SYT1: variants seen among roughly 807,000 people sequenced by gnomAD.
SYT1 encodes the protein synaptotagmin-1.
Under a neutral mutation model 44.8 loss-of-function variants are expected in SYT1, and 8 were observed. That is an observed-to-expected ratio of 0.18 (90% CI 0.10 to 0.32). The LOEUF (loss-of-function observed/expected upper bound fraction) is 0.32, where lower values mean the gene tolerates loss of function less well. SYT1 is among the 10% of genes least tolerant of loss of function. SYT1 has a pLI of 1.00. For missense variants in SYT1, 286 were observed against 509.3 expected (o/e 0.56, Z 4.22); for synonymous variants, 154 against 188.8 (o/e 0.82, Z 1.51).
At chr12:79,419,762 T>C (rs1868988499) in intron 9 of SYT1, among the ~76,000 whole-genome samples, 1 of 152,136 alleles carries the variant, frequency 6.6e-6, no homozygotes. Context: ...CTTTCTCTCA[T>C]TCTCTCCTCA....
At chr12:79,054,581 A>G (rs1048026072) in intron 3 of SYT1, among the ~76,000 whole-genome samples, 5 of 151,956 alleles carry the variant, frequency 3.3e-5, no homozygotes, top group African/African-American at 1.2e-4. Flanking sequence ...TTCTTTAAAA[A>G]CTTTGGTACA....
intron 2 of SYT1, among the ~76,000 whole-genome samples, chr12:79,015,387 C>A (rs2137594271): frequency 6.6e-6 from 1 of 152,014 alleles, no homozygotes; most frequent in African/African-American, 2.4e-5. Context: ...TAATAAGTAA[C>A]CAACTTTTTT....
intron 8 of SYT1, among the ~76,000 whole-genome samples, chr12:79,329,125 C>G (rs911824259): frequency 2.0e-5 from 3 of 152,124 alleles, no homozygotes; most frequent in Non-Finnish European, 4.4e-5. Flanking sequence ...AAAATGAAAT[C>G]CAAACTGTGT....
Position 79,449,347 on chromosome 12 carries a change from A to G in SYT1, c.*223A>G, listed in dbSNP as rs1287159735. The G allele has an allele frequency of 1.8e-6, 1 of 551,990 alleles. No individual in the cohort carries two copies. Among genetic ancestry groups the G allele is most frequent in the African/African-American group, 1.9e-5 (1 of 52,966 alleles). The allele number at this position is 551,990 out of a possible 1,614,324, so 34.2% of individuals were successfully genotyped here. A position where few individuals can be genotyped will look rare whatever the true frequency, so the allele number is the denominator to read the frequency against. On this transcript the variant is annotated 3_prime_UTR_variant, in exon 11 of 11. Transcript: ENST00000261205. Reference sequence around the variant, plus strand: ...CAAATCTACTCTTCTTTTAAGCAATATGATGTGTAGATAGAGCATGAATGA... The same window carrying G: ...CAAATCTACTCTTCTTTTAAGCAATGTGATGTGTAGATAGAGCATGAATGA...
chr12:79,287,157 T>G (rs1879353139), intron 5 of SYT1, among the ~76,000 whole-genome samples: 1 of 152,202 alleles, frequency 6.6e-6, no homozygotes, highest in Admixed American at 6.5e-5. Context: ...TGATAATAAT[T>G]TCACAAAGGC....
At chr12:79,437,216 A>G (rs1465974335) in intron 9 of SYT1, among the ~76,000 whole-genome samples, 2 of 152,210 alleles carry the variant, frequency 1.3e-5, no homozygotes, top group African/African-American at 4.8e-5. Context: ...ACAAGCCACT[A>G]AAGAGTTTTA....
chr12:78,937,529 T>TA (rs1321860381), intron 1 of SYT1, among the ~76,000 whole-genome samples: 1 of 151,738 alleles, frequency 6.6e-6, no homozygotes, highest in Non-Finnish European at 1.5e-5. Flanking sequence ...TGATGGGGAA[T>TA]AAAAAAGAGA....
At chr12:79,333,693 CA>C (rs1289255874) in intron 8 of SYT1, among the ~76,000 whole-genome samples, 1 of 148,392 alleles carries the variant, frequency 6.7e-6, no homozygotes, top group African/African-American at 2.6e-5. Flanking sequence ...ATTAAACTAG[CA>C]AGAAAAAAAA....
intron 4 of SYT1, among the ~76,000 whole-genome samples, chr12:79,276,948 G>A (rs560961794): frequency 6.7e-6 from 1 of 148,856 alleles, no homozygotes; most frequent in Non-Finnish European, 1.5e-5. Flanking sequence ...AGAAGAAGAA[G>A]GAAGAAGGAG....
At chr12:79,447,061 T>C (rs1026464705) in intron 10 of SYT1, among the ~76,000 whole-genome samples, 51 of 152,132 alleles carry the variant, frequency 3.4e-4, no homozygotes, top group African/African-American at 1.2e-3. Context: ...ATAAGACACA[T>C]GCTAGGTTTC....
At chr12:78,970,277 A>C (rs1054615599) in intron 1 of SYT1, among the ~76,000 whole-genome samples, 1 of 152,226 alleles carries the variant, frequency 6.6e-6, no homozygotes, top group Non-Finnish European at 1.5e-5. Context: ...ACCTCCAATA[A>C]ACCCTACTTA....
chr12:79,210,892 T>C (rs1454521556), intron 3 of SYT1, among the ~76,000 whole-genome samples: 1 of 151,986 alleles, frequency 6.6e-6, no homozygotes, highest in Non-Finnish European at 1.5e-5. Context: ...TGTAGCTGCA[T>C]CATTCATTCT....
intron 4 of SYT1, among the ~76,000 whole-genome samples, chr12:79,277,805 T>C (rs540660656): frequency 6.6e-6 from 1 of 151,914 alleles, no homozygotes; most frequent in East Asian, 1.9e-4. Context: ...AGAGTCAAGA[T>C]AAAAGAGTGG....
At chr12:78,869,904 C>T (rs1010045315) in intron 1 of SYT1, among the ~76,000 whole-genome samples, 6 of 152,000 alleles carry the variant, frequency 3.9e-5, no homozygotes, top group Non-Finnish European at 4.4e-5. Context: ...CTGGTCACTC[C>T]TATAAATGTC....
At chr12:78,907,997 C>T (rs1381884) in intron 1 of SYT1, among the ~76,000 whole-genome samples, 69,984 of 151,782 alleles carry the variant, frequency 0.46, 18,556 homozygotes, top group Admixed American at 0.61. Context: ...ATTGATCAGC[C>T]AGCAGCCGTG....
intron 1 of SYT1, among the ~76,000 whole-genome samples, chr12:78,955,837 T>TGTGC (rs1555184205): frequency 1.3e-5 from 2 of 148,576 alleles, no homozygotes; most frequent in African/African-American, 2.5e-5. Flanking sequence ...TGTGTGTGTG[T>TGTGC]GCATGTAGAG....
At chr12:79,387,941 C>G (rs1398202250) in intron 9 of SYT1, among the ~76,000 whole-genome samples, 1 of 152,122 alleles carries the variant, frequency 6.6e-6, no homozygotes, top group African/African-American at 2.4e-5. Context: ...ATGGTTTGAT[C>G]AATACATGCA....
intron 1 of SYT1, among the ~76,000 whole-genome samples, chr12:78,918,849 T>C (rs1054384115): frequency 6.6e-6 from 1 of 152,030 alleles, no homozygotes; most frequent in African/African-American, 2.4e-5. Flanking sequence ...AAGAAAAACC[T>C]TTAAGATCTT....
chr12:79,169,361 TTA>T (rs1428517059), intron 3 of SYT1, among the ~76,000 whole-genome samples: 3 of 152,002 alleles, frequency 2.0e-5, no homozygotes, highest in African/African-American at 7.2e-5. Context: ...AAAGTATAAA[TTA>T]TAAATGGTAT....
Sources: gnomAD v4.1 joint callset for allele counts (sites outside exome capture counted in the v4.1 genomes callset) on GRCh38, gnomAD v4.1.1 for gene constraint, MANE v1.5 for transcripts, NCBI Gene and HGNC (gene_info 2026-07-23, HGNC 2026-07-21) for gene names.